UHRF2: variants seen among roughly 807,000 people sequenced by gnomAD.
UHRF2 encodes the protein ubiquitin like with PHD and ring finger domains 2.
Under a neutral mutation model 96.8 loss-of-function variants are expected in UHRF2, and 23 were observed. That is an observed-to-expected ratio of 0.24 (90% CI 0.17 to 0.34). The LOEUF (loss-of-function observed/expected upper bound fraction) is 0.34, where lower values mean the gene tolerates loss of function less well. Among genes scored for constraint, UHRF2 ranks in the 10% least tolerant of loss-of-function variants. The pLI, the probability that UHRF2 is intolerant of heterozygous loss-of-function variation, is 1.00. For missense variants in UHRF2, 685 were observed against 981.5 expected (o/e 0.70, Z 4.04); for synonymous variants, 385 against 332.6 (o/e 1.16, Z -1.72).
intron 2 of UHRF2, among the ~76,000 whole-genome samples, chr9:6,431,127 TAACAC>T (rs924042514): frequency 2.0e-5 from 3 of 152,222 alleles, no homozygotes; most frequent in African/African-American, 7.2e-5. Context: ...CCAGGCTTTA[TAACAC>T]AGCTTTAACA....
intron 14 of UHRF2, among the ~76,000 whole-genome samples, chr9:6,501,358 TTC>T (rs1816281294): frequency 6.6e-6 from 1 of 152,190 alleles, no homozygotes; most frequent in South Asian, 2.1e-4. Context: ...AATTTGAATC[TTC>T]TATTAAATAT....
At chr9:6,432,194 C>A (rs1820592879) in intron 2 of UHRF2, among the ~76,000 whole-genome samples, 2 of 151,952 alleles carry the variant, frequency 1.3e-5, no homozygotes, top group South Asian at 4.1e-4. Flanking sequence ...TTATTTTTTC[C>A]TAAACTGTTC....
intron 4 of UHRF2, among the ~76,000 whole-genome samples, chr9:6,463,209 A>T (rs974915297): frequency 2.0e-5 from 3 of 151,960 alleles, no homozygotes; most frequent in Admixed American, 2.0e-4. Flanking sequence ...TGAACCTGGG[A>T]GGCGCAGATT....
At chr9:6,473,740 T>A (rs529454640) in intron 4 of UHRF2, among the ~76,000 whole-genome samples, 18 of 152,330 alleles carry the variant, frequency 1.2e-4, no homozygotes, top group African/African-American at 4.3e-4. Flanking sequence ...AACTCCCCTG[T>A]TAACAGCATG....
chr9:6,506,295 A>T lies in UHRF2; in HGVS notation c.*116A>T, dbSNP rs1816579669. On this transcript the variant is annotated 3_prime_UTR_variant, in exon 16 of 16. Transcript: ENST00000276893. The stretch of plus-strand genomic sequence containing the variant: ...TATCTCTCACGTTCTGAAGCAGCTA[A>T]TCCTCTTTCCCACATAGCCATCATC... The T allele has an allele frequency of 3.7e-6, 5 of 1,355,044 alleles. No individual in the cohort carries two copies. Among genetic ancestry groups the T allele is most frequent in the African/African-American group, 1.5e-5 (1 of 68,876 alleles). The allele number at this position is 1,355,044 out of a possible 1,614,324, so 83.9% of individuals were successfully genotyped here. A position where few individuals can be genotyped will look rare whatever the true frequency, so the allele number is the denominator to read the frequency against.
chr9:6,477,083 A>G (rs1439344825), intron 5 of UHRF2, among the ~76,000 whole-genome samples: 2 of 152,118 alleles, frequency 1.3e-5, no homozygotes, highest in East Asian at 3.9e-4. Context: ...AAATACAAAA[A>G]TTAGCTGGGT....
intron 1 of UHRF2, among the ~76,000 whole-genome samples, chr9:6,416,446 G>A (rs2130704353): frequency 6.6e-6 from 1 of 151,166 alleles, no homozygotes; most frequent in East Asian, 2.0e-4. Flanking sequence ...ATAACATGCT[G>A]TGAACATTCT....
intron 2 of UHRF2, among the ~76,000 whole-genome samples, chr9:6,432,353 T>G (rs10739104): frequency 0.96 from 146,050 of 152,286 alleles, 70,063 homozygotes; most frequent in East Asian, 0.99. Context: ...CCCTCTGTCA[T>G]TTTGTGGTTT....
intron 10 of UHRF2, chr9:6,494,198 T>C (rs902199607): frequency 1.5e-5 from 5 of 326,444 alleles, no homozygotes; most frequent in Non-Finnish European, 2.8e-5. Context: ...GAAAGGAGCC[T>C]GTGTAATTTA....
At chr9:6,423,009 T>G (rs1820020656) in intron 2 of UHRF2, 1 of 206,622 alleles carries the variant, frequency 4.8e-6, no homozygotes, top group Admixed American at 5.9e-5. Context: ...TATCCTTTCC[T>G]ATCTTTGTAA....
chr9:6,445,998 T>TTTTTTTTTTTTTTTTTTTTTC (rs772184475), intron 3 of UHRF2, among the ~76,000 whole-genome samples: 1 of 129,870 alleles, frequency 7.7e-6, no homozygotes, highest in African/African-American at 2.9e-5. Flanking sequence ...TTTTTTTTTT[T>TTTTTTTTTTTTTTTTTTTTTC]TTCCTGTTTT....
intron 2 of UHRF2, among the ~76,000 whole-genome samples, chr9:6,432,249 T>TG (rs1198221559): frequency 6.6e-6 from 1 of 152,254 alleles, no homozygotes; most frequent in African/African-American, 2.4e-5. Flanking sequence ...GCTATTTCAT[T>TG]GCTACCATGT....
chr9:6,445,998 T>TTTTTTTTTTTC lies in UHRF2; in HGVS notation c.644+11827_644+11828insTTTTTTTTCTT, dbSNP rs772184475. On this transcript the variant is annotated intron_variant, in intron 3 of 15. Transcript: ENST00000276893. ...CCGCCACCCTTTTTTTTTTTTTTTT[T>TTTTTTTTTTTC]TTCCTGTTTTTGAGATAGAGTCTCA... Among the ~76,000 whole-genome samples the TTTTTTTTTTTC allele has an allele frequency of 1.9e-4, 25 of 129,948 alleles. 2 individuals carry two copies. The highest frequency in any genetic ancestry group is 2.6e-4 in the African/African-American group (9 of 34,502). The allele number at this position is 129,948 out of a possible 152,430, so 85.3% of individuals were successfully genotyped here.
chr9:6,417,298 C>T (rs144179939), intron 1 of UHRF2, among the ~76,000 whole-genome samples: 59 of 152,242 alleles, frequency 3.9e-4, no homozygotes, highest in Non-Finnish European at 7.4e-4. Flanking sequence ...ACCATTTTTG[C>T]TTCTTAAGTA....
chr9:6,434,457 G>C, intron 3 of UHRF2: 1 of 237,988 alleles, frequency 4.2e-6, no homozygotes. Context: ...GGCTTTTTTT[G>C]AGATGGTCTC....
intron 4 of UHRF2, among the ~76,000 whole-genome samples, chr9:6,461,389 T>TTC (rs796468919): frequency 2.1e-5 from 2 of 95,778 alleles, no homozygotes; most frequent in African/African-American, 8.2e-5. Context: ...CCTTCTCTCC[T>TTC]CCCCCCCGCC....
At chr9:6,456,947 C>T (rs1822218050) in intron 3 of UHRF2, among the ~76,000 whole-genome samples, 1 of 152,112 alleles carries the variant, frequency 6.6e-6, no homozygotes, top group African/African-American at 2.4e-5. Context: ...AGCATGATGC[C>T]ACCAGCTTTG....
chr9:6,497,510 A>G lies in UHRF2; in HGVS notation c.1767+150A>G, dbSNP rs539373112. 70 of 851,566 alleles carry G rather than the reference A, an allele frequency of 8.2e-5. No homozygotes were observed. In the African/African-American group the frequency reaches 1.1e-3, roughly 13 times the overall value. The allele number at this position is 851,566 out of a possible 1,614,324, so 52.8% of individuals were successfully genotyped here. A position where few individuals can be genotyped will look rare whatever the true frequency, so the allele number is the denominator to read the frequency against. ...GGAAATTGAACAGATGCATAAAGCA[A>G]ACTCTTAACTTCAGCACTTTACTTT... On this transcript the variant is annotated intron_variant, in intron 11 of 15. Coordinates refer to ENST00000276893, the MANE Select transcript of UHRF2 (RefSeq NM_152896.3).
intron 4 of UHRF2, among the ~76,000 whole-genome samples, chr9:6,466,551 GA>G (rs34552859): frequency 0.013 from 1,473 of 110,732 alleles, 11 homozygotes; most frequent in East Asian, 0.031. Flanking sequence ...AAAAAAAAAG[GA>G]AAAAAAAAAA....
Sources: allele counts gnomAD v4.1 joint callset (sites outside exome capture counted in the v4.1 genomes callset), GRCh38; gene constraint gnomAD v4.1.1; transcripts MANE v1.5; gene names NCBI Gene and HGNC (gene_info 2026-07-23, HGNC 2026-07-21).